The following PTPRO variants were observed in gnomAD, a reference collection of about 807,000 sequenced individuals.
The protein encoded by PTPRO is protein tyrosine phosphatase receptor type O, also known as receptor-type tyrosine-protein phosphatase O.
Under a neutral mutation model 145.2 loss-of-function variants are expected in PTPRO, and 62 were observed. The ratio of observed to expected loss-of-function variants is 0.43; its 90% CI spans 0.35 to 0.53. The LOEUF (loss-of-function observed/expected upper bound fraction) is 0.53, where lower values mean the gene tolerates loss of function less well. PTPRO is among the 20% of genes least tolerant of loss of function. PTPRO has a pLI of 0.01. For synonymous variants in PTPRO, 565 were observed against 514.7 expected (o/e 1.10, Z -1.32); for missense variants, 1,345 against 1,482.7 (o/e 0.91, Z 1.53).
intron 1 of PTPRO, among the ~76,000 whole-genome samples, chr12:15,368,568 T>A (rs969389127): frequency 6.6e-6 from 1 of 152,108 alleles, no homozygotes; most frequent in African/African-American, 2.4e-5. Flanking sequence ...CAGTCCCAAG[T>A]AGAACTCAAA....
At chr12:15,538,538 C>G (rs951648684) in intron 12 of PTPRO, among the ~76,000 whole-genome samples, 5 of 152,110 alleles carry the variant, frequency 3.3e-5, no homozygotes, top group Non-Finnish European at 7.4e-5. Context: ...TAGCACTTCT[C>G]TAAAGGCATT....
chr12:15,419,107 G>T (rs569068316), intron 1 of PTPRO, among the ~76,000 whole-genome samples: 1 of 151,684 alleles, frequency 6.6e-6, no homozygotes, highest in Non-Finnish European at 1.5e-5. Flanking sequence ...AAAGAACAAA[G>T]GTGAACTCGA....
In PTPRO at chr12:15,581,771, C is replaced by T. The variant is rs781669441; in HGVS notation, c.3225C>T (p.Asp1075=). 2 of 1,613,996 alleles carry T rather than the reference C, an allele frequency of 1.2e-6. No homozygotes were observed. The highest frequency in any genetic ancestry group is 1.1e-5 in the South Asian group (1 of 91,088). The part of the protein sequence containing the change: ...VEMISEEEQD[D]WACRHFRINY... ...TGATTTCAGAGGAAGAGCAGGACGA[C>T]TGGGCCTGTAGACACTTCCGGATCA... Residue 1075 remains aspartate (D), a synonymous_variant, in exon 23 of 27, where the codon GAC becomes GAT. Coordinates refer to ENST00000281171, the MANE Select transcript of PTPRO (RefSeq NM_030667.3).
At chr12:15,524,306 G>C (rs1942791609) in intron 10 of PTPRO, among the ~76,000 whole-genome samples, 1 of 151,886 alleles carries the variant, frequency 6.6e-6, no homozygotes, top group Admixed American at 6.6e-5. Flanking sequence ...AATAACATTT[G>C]TCTTCTATCC....
intron 1 of PTPRO, among the ~76,000 whole-genome samples, chr12:15,357,587 A>T (rs2136238475): frequency 6.6e-6 from 1 of 151,992 alleles, no homozygotes; most frequent in East Asian, 1.9e-4. Flanking sequence ...ACATGAACAG[A>T]CACTTCTCAA....
intron 25 of PTPRO, among the ~76,000 whole-genome samples, chr12:15,593,228 C>G (rs1205011501): frequency 6.6e-5 from 10 of 152,198 alleles, no homozygotes; most frequent in African/African-American, 1.9e-4. Flanking sequence ...ACAGGTTAGG[C>G]TGAGGCATCA....
intron 12 of PTPRO, among the ~76,000 whole-genome samples, chr12:15,540,477 C>G (rs1943159138): frequency 6.6e-6 from 1 of 152,160 alleles, no homozygotes; most frequent in South Asian, 2.1e-4. Context: ...ACCAATGTTG[C>G]ACATTTGTAA....
At chr12:15,426,851 T>C (rs1457739602) in intron 1 of PTPRO, among the ~76,000 whole-genome samples, 1 of 152,062 alleles carries the variant, frequency 6.6e-6, no homozygotes, top group African/African-American at 2.4e-5. Flanking sequence ...GCTGTATGCA[T>C]TTTTATTTGC....
intron 6 of PTPRO, among the ~76,000 whole-genome samples, chr12:15,508,048 G>C (rs1040076419): frequency 6.6e-6 from 1 of 152,146 alleles, no homozygotes; most frequent in African/African-American, 2.4e-5. Context: ...CCAGGTTTTA[G>C]CCAGCTTCTT....
chr12:15,446,427 C>T (rs1940903878), intron 1 of PTPRO, among the ~76,000 whole-genome samples: 1 of 152,090 alleles, frequency 6.6e-6, no homozygotes, highest in Non-Finnish European at 1.5e-5. Flanking sequence ...GCATTTGCTG[C>T]AGCAACTAAA....
At chr12:15,457,763 T>G (rs1030829448) in intron 1 of PTPRO, among the ~76,000 whole-genome samples, 4 of 152,214 alleles carry the variant, frequency 2.6e-5, no homozygotes, top group Admixed American at 6.5e-5. Context: ...ACATACTTTG[T>G]TATATTATTG....
intron 1 of PTPRO, among the ~76,000 whole-genome samples, chr12:15,430,064 C>T (rs549917340): frequency 1.3e-5 from 2 of 151,808 alleles, no homozygotes; most frequent in South Asian, 2.1e-4. Context: ...GCCTTTCTGA[C>T]GTTCAAGTAG....
intron 12 of PTPRO, among the ~76,000 whole-genome samples, chr12:15,529,592 G>A (rs1942915593): frequency 1.3e-5 from 2 of 152,122 alleles, no homozygotes; most frequent in South Asian, 4.1e-4. Context: ...GCAGTGAGCT[G>A]TGAGCTGTGA....
intron 1 of PTPRO, among the ~76,000 whole-genome samples, chr12:15,473,892 T>C (rs1230244913): frequency 6.6e-6 from 1 of 152,142 alleles, no homozygotes; most frequent in East Asian, 1.9e-4. Flanking sequence ...AGACATTTTA[T>C]GCTCACAAAA....
intron 1 of PTPRO, among the ~76,000 whole-genome samples, chr12:15,372,565 G>T (rs1424180005): frequency 6.6e-6 from 1 of 152,090 alleles, no homozygotes; most frequent in Non-Finnish European, 1.5e-5. Context: ...TGATTTTGTG[G>T]GATTTTTTCT....
chr12:15,492,295 G>A (rs149446162), intron 2 of PTPRO, among the ~76,000 whole-genome samples: 23 of 152,116 alleles, frequency 1.5e-4, no homozygotes, highest in Non-Finnish European at 2.1e-4. Context: ...TCAAAACAAC[G>A]ATAACAGTTC....
intron 1 of PTPRO, among the ~76,000 whole-genome samples, chr12:15,353,238 C>T (rs373553210): frequency 7.9e-5 from 12 of 151,978 alleles, no homozygotes; most frequent in East Asian, 7.7e-4. Context: ...ACCACACACA[C>T]GTAAGAGGAC....
intron 1 of PTPRO, among the ~76,000 whole-genome samples, chr12:15,437,701 A>T (rs546412584): frequency 6.6e-6 from 1 of 152,212 alleles, no homozygotes; most frequent in African/African-American, 2.4e-5. Context: ...ATCTGCAGGC[A>T]TCTGAAGCAC....
In PTPRO at chr12:15,503,813, A is replaced by G. The variant is rs2136473839; in HGVS notation, c.1106-95A>G. The G allele has an allele frequency of 4.0e-6, 4 of 1,001,464 alleles. No individual in the cohort carries two copies. The East Asian group carries it at 1.0e-4, about 26-fold the overall frequency. The allele number at this position is 1,001,464 out of a possible 1,614,324, so 62.0% of individuals were successfully genotyped here. On this transcript the variant is annotated intron_variant, in intron 5 of 26. Coordinates refer to ENST00000281171, the MANE Select transcript of PTPRO (RefSeq NM_030667.3). ...ACTTGACAAAAGGAGGGAACATTTA[A>G]AACACCTAATTTTTTTTCATTAATC...
Sources: gnomAD v4.1 joint callset for allele counts (sites outside exome capture counted in the v4.1 genomes callset) on GRCh38, gnomAD v4.1.1 for gene constraint, MANE v1.5 for transcripts, NCBI Gene and HGNC (gene_info 2026-07-23, HGNC 2026-07-21) for gene names.